Variants in TENM3 observed in about 807,000 individuals in gnomAD.
TENM3 encodes the protein teneurin-3.
A neutral mutation model predicts 255.1 loss-of-function variants in TENM3; 63 were observed. The ratio of observed to expected loss-of-function variants is 0.25; its 90% CI spans 0.20 to 0.30. TENM3 has a LOEUF of 0.30. TENM3 is among the 10% of genes least tolerant of loss of function. The pLI is 1.00. For missense variants in TENM3, 2,929 were observed against 3,461.1 expected (o/e 0.85, Z 3.86); for synonymous variants, 1,306 against 1,322.3 (o/e 0.99, Z 0.27).
At chr4:182,585,879 G>C (rs886573486) in intron 3 of TENM3, among the ~76,000 whole-genome samples, 3 of 152,304 alleles carry the variant, frequency 2.0e-5, no homozygotes. Flanking sequence ...TATGTTGAGA[G>C]GAAGGTTCCT....
the TENM3 span, among the ~76,000 whole-genome samples, chr4:181,984,789 CGTGT>C: frequency 0.21 from 28,505 of 138,230 alleles, 2,888 homozygotes; most frequent in East Asian, 0.26. Flanking sequence ...CTAAAAGAGT[CGTGT>C]GTGTGTGTGT....
At chr4:181,938,206 G>A in the TENM3 span, among the ~76,000 whole-genome samples, 1 of 152,158 alleles carries the variant, frequency 6.6e-6, no homozygotes, top group African/African-American at 2.4e-5. Flanking sequence ...TAGCTGTCAT[G>A]TTATCAGATG....
the TENM3 span, among the ~76,000 whole-genome samples, chr4:182,078,811 C>G: frequency 6.6e-6 from 1 of 152,102 alleles, no homozygotes; most frequent in Non-Finnish European, 1.5e-5. Context: ...TTTAACAGGA[C>G]TTGGGTGATA....
chr4:182,053,976 G>A, the TENM3 span, among the ~76,000 whole-genome samples: 2 of 152,276 alleles, frequency 1.3e-5, no homozygotes, highest in East Asian at 3.9e-4. Flanking sequence ...TCCCGAGTCT[G>A]TAGGTTGAAG....
chr4:182,743,267 C>G lies in TENM3; in HGVS notation c.3477C>G (p.Ser1159=). The part of the protein sequence containing the change: ...IMGNGRRRSI[S]CPSCNGQADG... ...GCAATGGGCGAAGGCGCAGCATTTC[C>G]TGCCCCAGTTGCAATGGTCAAGCTG... The change falls in exon 19 of 28, where the codon TCC becomes TCG. Residue 1159 remains serine, a synonymous_variant. Transcript: ENST00000511685. 2 of 1,614,050 alleles carry G rather than the reference C, an allele frequency of 1.2e-6. No individual in the cohort carries two copies. The highest frequency in any genetic ancestry group is 1.7e-6 in the Non-Finnish European group (2 of 1,179,894).
the TENM3 span, among the ~76,000 whole-genome samples, chr4:181,778,526 C>T: frequency 2.0e-5 from 3 of 152,112 alleles, no homozygotes; most frequent in Non-Finnish European, 2.9e-5. Flanking sequence ...CAGATCCCGC[C>T]GTGTTTCCCT....
chr4:181,709,564 G>A, the TENM3 span, among the ~76,000 whole-genome samples: 1 of 152,248 alleles, frequency 6.6e-6, no homozygotes, highest in Non-Finnish European at 1.5e-5. Context: ...AAGTGCAAAG[G>A]CCCTGTGGTA....
chr4:182,696,441 A>T (rs2152620945), intron 12 of TENM3, among the ~76,000 whole-genome samples: 1 of 152,220 alleles, frequency 6.6e-6, no homozygotes, highest in South Asian at 2.1e-4. Flanking sequence ...AAAAATGGAT[A>T]TGGGGCCGGG....
At chr4:181,657,706 T>A in the TENM3 span, among the ~76,000 whole-genome samples, 2 of 152,050 alleles carry the variant, frequency 1.3e-5, no homozygotes, top group African/African-American at 4.8e-5. Context: ...GTATTCACAA[T>A]AGCAAAGACA....
chr4:182,653,990 G>T, intron 6 of TENM3, 97 bp downstream of exon 6: 2 of 1,177,198 alleles, frequency 1.7e-6, no homozygotes, highest in Non-Finnish European at 1.1e-6. Context: ...AGATGGAACA[G>T]GGAAAAGTGT....
the TENM3 span, among the ~76,000 whole-genome samples, chr4:181,630,865 G>C: frequency 6.6e-6 from 1 of 151,904 alleles, no homozygotes; most frequent in Non-Finnish European, 1.5e-5. Context: ...CGCTTGGTGT[G>C]CACACATTTT....
Position 182,265,926 on chromosome 4 carries a change from A to C in TENM3, c.-76+22450A>C, listed in dbSNP as rs201897309. ...CATTTAGTCTAAATTATGCAAGTCA[A>C]ATATTAAGTTTGCTAAATGCTTTAA... On this transcript the variant is annotated intron_variant, in intron 1 of 27. Coordinates refer to ENST00000511685, the MANE Select transcript of TENM3 (RefSeq NM_001080477.4). Among the ~76,000 whole-genome samples the C allele has an allele frequency of 5.9e-5, 9 of 152,392 alleles. No individual in the cohort carries two copies. The East Asian group carries it at 1.7e-3, about 29-fold the overall frequency.
chr4:182,172,310 G>A (rs1278668345), intron 1 of TENM3, among the ~76,000 whole-genome samples: 2 of 152,148 alleles, frequency 1.3e-5, no homozygotes, highest in East Asian at 3.9e-4. Flanking sequence ...GCAAACAGTT[G>A]TCAGTCTTCA....
intron 12 of TENM3, among the ~76,000 whole-genome samples, chr4:182,693,558 C>T (rs1278197214): frequency 2.6e-5 from 4 of 152,054 alleles, no homozygotes; most frequent in African/African-American, 4.8e-5. Flanking sequence ...AGGCTGGTGT[C>T]GAATTCCTGA....
chr4:182,773,623 G>T lies in TENM3; in HGVS notation c.5044G>T (p.Asp1682Tyr). Residue 1682 changes from aspartate (D) to tyrosine (Y), a missense_variant, in exon 23 of 28, where the codon GAT becomes TAT. By Grantham distance (160) the Asp-to-Tyr change is radical (BLOSUM62 -3). Around this residue, in one of 6 missense-constraint regions of TENM3, gnomAD observed 1,608 missense variants for 1,884.4 expected, o/e 0.85. Coordinates refer to ENST00000511685, the MANE Select transcript of TENM3 (RefSeq NM_001080477.4). ...VSITSNLSSI[D>Y]SFYTMVQDQL... ...CATCACTTCAAATCTGTCCTCGATCGATTCTTTCTACACCATGGTTCAAGG... is the reference window on the plus strand; with the variant it reads ...CATCACTTCAAATCTGTCCTCGATCTATTCTTTCTACACCATGGTTCAAGG... 3.1e-6 allele frequency: 5 copies of T among 1,612,172 alleles called. No homozygotes were observed. Among genetic ancestry groups the T allele is most frequent in the Non-Finnish European group, 4.2e-6 (5 of 1,179,130 alleles).
the TENM3 span, among the ~76,000 whole-genome samples, chr4:181,802,585 A>G: frequency 1.3e-4 from 20 of 152,348 alleles, no homozygotes; most frequent in South Asian, 2.1e-4. Context: ...TCAAAAATAT[A>G]TTAACCTTTG....
At chr4:182,274,519 G>T (rs1319338473) in intron 1 of TENM3, among the ~76,000 whole-genome samples, 1 of 152,170 alleles carries the variant, frequency 6.6e-6, no homozygotes, top group Non-Finnish European at 1.5e-5. Context: ...TATTGAAAGA[G>T]GTGAGTGAGG....
the TENM3 span, among the ~76,000 whole-genome samples, chr4:181,468,006 A>G: frequency 6.6e-6 from 1 of 152,000 alleles, no homozygotes; most frequent in African/African-American, 2.4e-5. Context: ...ATTAAAAATA[A>G]GAAAAAAGGC....
At chr4:181,919,539 A>T in the TENM3 span, among the ~76,000 whole-genome samples, 1 of 152,010 alleles carries the variant, frequency 6.6e-6, no homozygotes, top group Non-Finnish European at 1.5e-5. Flanking sequence ...AGATTACTTG[A>T]TATTTTTACC....
Sources: allele counts gnomAD v4.1 joint callset (sites outside exome capture counted in the v4.1 genomes callset), GRCh38; gene constraint gnomAD v4.1.1; regional missense constraint gnomAD v4.1.1; transcripts MANE v1.5; gene names NCBI Gene and HGNC (gene_info 2026-07-23, HGNC 2026-07-21).